The following SARNP variants were observed in gnomAD, a reference collection of about 807,000 sequenced individuals.
SARNP encodes the protein SAP domain-containing ribonucleoprotein.
A neutral mutation model predicts 38.1 loss-of-function variants in SARNP; 5 were observed. The observed-to-expected ratio is 0.13, with a 90% confidence interval of 0.07 to 0.28. The LOEUF (loss-of-function observed/expected upper bound fraction) is 0.28. SARNP is among the 10% of genes least tolerant of loss of function. SARNP has a pLI of 1.00. For synonymous variants in SARNP, 84 were observed against 80.6 expected, an observed-to-expected ratio of 1.04 and a Z score of -0.23; for missense variants, 180 against 243.9, an observed-to-expected ratio of 0.74 and a Z score of 1.75.
chr12:55,808,345 T>G (rs1262287841), intron 1 of SARNP, among the ~76,000 whole-genome samples: 4 of 148,792 alleles, frequency 2.7e-5, no homozygotes. Flanking sequence ...TGAGATGGAG[T>G]TTCACTCTTG....
chr12:55,792,321 T>C (rs1159351368), intron 7 of SARNP, among the ~76,000 whole-genome samples: 2 of 152,078 alleles, frequency 1.3e-5, no homozygotes, highest in East Asian at 1.9e-4. Flanking sequence ...GAAAACTGGA[T>C]TGAATTGGAA....
At chr12:55,814,224 G>A (rs1880416577) in intron 1 of SARNP, among the ~76,000 whole-genome samples, 1 of 152,200 alleles carries the variant, frequency 6.6e-6, no homozygotes, top group Non-Finnish European at 1.5e-5. Flanking sequence ...CATCCGCCAA[G>A]AGAATACAAG....
chr12:55,784,118 T>C (rs986492740), intron 9 of SARNP, among the ~76,000 whole-genome samples: 2 of 152,194 alleles, frequency 1.3e-5, no homozygotes, highest in Non-Finnish European at 2.9e-5. Context: ...GGGTTTTTCA[T>C]TGTCTTGTTT....
intron 9 of SARNP, among the ~76,000 whole-genome samples, chr12:55,771,425 C>A (rs940984472): frequency 6.6e-6 from 1 of 152,318 alleles, no homozygotes; most frequent in South Asian, 2.1e-4. Context: ...CATCGTTATT[C>A]TCTGCGACCA....
chr12:55,807,687 G>T (rs541330229), intron 1 of SARNP, among the ~76,000 whole-genome samples: 2 of 151,058 alleles, frequency 1.3e-5, no homozygotes, highest in African/African-American at 2.4e-5. Flanking sequence ...GGTGGCGGGC[G>T]CCTGTAGTCC....
intron 7 of SARNP, among the ~76,000 whole-genome samples, chr12:55,791,795 T>C (rs1879678341): frequency 6.6e-6 from 1 of 152,198 alleles, no homozygotes; most frequent in South Asian, 2.1e-4. Context: ...CAATAATTAT[T>C]TACTTCAAAC....
intron 7 of SARNP, chr12:55,794,150 TTCCTA>T: frequency 1.8e-6 from 1 of 554,202 alleles, no homozygotes. Context: ...ATGTTGGCAC[TTCCTA>T]TCCTCTCATA....
At chr12:55,774,889 T>TG (rs1198019325) in intron 9 of SARNP, among the ~76,000 whole-genome samples, 1 of 147,126 alleles carries the variant, frequency 6.8e-6, no homozygotes, top group East Asian at 2.0e-4. Context: ...ATTTGTTTTT[T>TG]TTTTTTTTTT....
chr12:55,786,957 G>A (rs7958549), intron 9 of SARNP, among the ~76,000 whole-genome samples: 2 of 152,056 alleles, frequency 1.3e-5, no homozygotes, highest in Non-Finnish European at 2.9e-5. Flanking sequence ...CAGGCCAGGC[G>A]CAGTGGCTCA....
At chr12:55,777,756 G>GTT (rs1037358618) in intron 9 of SARNP, among the ~76,000 whole-genome samples, 3 of 152,152 alleles carry the variant, frequency 2.0e-5, no homozygotes, top group Admixed American at 6.6e-5. Context: ...TACGTAAAAA[G>GTT]TATGTGTTGG....
intron 9 of SARNP, among the ~76,000 whole-genome samples, chr12:55,787,091 G>C (rs563041678): frequency 9.2e-5 from 14 of 152,006 alleles, no homozygotes; most frequent in Admixed American, 2.6e-4. Flanking sequence ...AACTGGCCAG[G>C]CATGGTGGCA....
intron 1 of SARNP, among the ~76,000 whole-genome samples, chr12:55,806,750 G>T (rs1290904988): frequency 2.6e-5 from 4 of 152,104 alleles, no homozygotes; most frequent in African/African-American, 7.2e-5. Context: ...ATATTGGCCA[G>T]GCTGGTCTCG....
chr12:55,766,889 GCCTCCTAGTCT>G (rs1565671372), intron 9 of SARNP, among the ~76,000 whole-genome samples: 1 of 4,632 alleles, frequency 2.2e-4, no homozygotes, highest in Non-Finnish European at 2.8e-4. Context: ...CCTAGTCTCT[GCCTCCTAGTCT>G]CTGCCTCCCA....
chr12:55,790,670 C>T, intron 7 of SARNP, 78 bp from the exon 8 acceptor site: 1 of 1,305,274 alleles, frequency 7.7e-7, no homozygotes, highest in African/African-American at 1.5e-5. Context: ...AATTAGGCAA[C>T]ATAAAAACAT....
intron 2 of SARNP, 92 bp from the exon 3 acceptor site, chr12:55,800,992 C>T: frequency 9.5e-7 from 1 of 1,058,136 alleles, no homozygotes; most frequent in Non-Finnish European, 1.5e-6. Flanking sequence ...TTGCTTTCCC[C>T]CAAAAAATCC....
intron 2 of SARNP, among the ~76,000 whole-genome samples, chr12:55,802,859 G>T (rs1341204406): frequency 1.3e-5 from 2 of 150,798 alleles, no homozygotes; most frequent in Non-Finnish European, 2.9e-5. Context: ...ATCATTGAAT[G>T]CTATGCAGGA....
At chr12:55,798,398 C>T (rs1325568071) in intron 4 of SARNP, among the ~76,000 whole-genome samples, 2 of 152,100 alleles carry the variant, frequency 1.3e-5, no homozygotes, top group African/African-American at 4.8e-5. Context: ...ACTCAGGAGG[C>T]TGAAGCTGGA....
chr12:55,761,376 G>C (rs1426240647), intron 9 of SARNP, among the ~76,000 whole-genome samples: 2 of 152,148 alleles, frequency 1.3e-5, no homozygotes, highest in African/African-American at 4.8e-5. Context: ...AGGAAAGAAA[G>C]GGGAAGAGGG....
intron 8 of SARNP, among the ~76,000 whole-genome samples, chr12:55,790,173 A>C (rs577427620): frequency 7.4e-6 from 1 of 135,942 alleles, no homozygotes; most frequent in Non-Finnish European, 1.6e-5. Flanking sequence ...ATAGTATTTT[A>C]AAAAAAAAAA....
Sources: allele counts gnomAD v4.1 joint callset (sites outside exome capture counted in the v4.1 genomes callset), GRCh38; gene constraint gnomAD v4.1.1; transcripts MANE v1.5; gene names NCBI Gene and HGNC (gene_info 2026-07-23, HGNC 2026-07-21).